The following DOCK4 variants were observed in gnomAD, a reference collection of about 807,000 sequenced individuals.
DOCK4 encodes the protein dedicator of cytokinesis protein 4.
Under a neutral mutation model 268.1 loss-of-function variants are expected in DOCK4, and 97 were observed. The observed-to-expected ratio is 0.36, with a 90% CI of 0.31 to 0.43. The LOEUF is 0.43. Ranked by LOEUF, DOCK4 falls within the 20% of genes least tolerant of loss-of-function variation. The pLI is 1.00. For synonymous variants in DOCK4, 954 were observed against 887.2 expected, an observed-to-expected ratio of 1.08 and a Z score of -1.34; for missense variants, 2,145 against 2,455.7, an observed-to-expected ratio of 0.87 and a Z score of 2.67.
In DOCK4 at chr7:111,788,919, CTAGA is replaced by C. The variant is rs1799350848; in HGVS notation, c.3316-176_3316-173del. On this transcript the variant is annotated intron_variant, in intron 31 of 52. Transcript: ENST00000428084. ...CCCTTTGGAATTCTAAGGGACTAAT[CTAGA>C]TAGAGTTACATGACTTCACACTCCT... is the stretch of plus-strand genomic sequence containing the variant. 13 of 647,148 alleles carry C rather than the reference CTAGA, an allele frequency of 2.0e-5. No individual in the cohort carries two copies. The Admixed American group carries it at 2.9e-4, about 15-fold the overall frequency. The allele number at this position is 647,148 out of a possible 1,614,324, so 40.1% of individuals were successfully genotyped here.
chr7:111,954,508 G>A (rs1216001233), intron 8 of DOCK4, among the ~76,000 whole-genome samples: 1 of 152,160 alleles, frequency 6.6e-6, no homozygotes, highest in Non-Finnish European at 1.5e-5. Flanking sequence ...CCCAGGGCCT[G>A]AAAGCTTAAG....
rs548521959 is a variant in DOCK4, at chr7:111,810,098, A to G, written c.3007-697T>C. On this transcript the variant is annotated intron_variant, in intron 28 of 52. Coordinates refer to ENST00000428084, the MANE Select transcript of DOCK4 (RefSeq NM_001363540.2). ...ATGACACAGAATCAGTATCTGTTAT[A>G]CGTAAATAGCTCTTACAAATAAAAA... Among the ~76,000 whole-genome samples the G allele has an allele frequency of 4.6e-5, 7 of 152,356 alleles. No homozygotes were observed. In the East Asian group the frequency reaches 1.4e-3, roughly 29 times the overall value.
intron 7 of DOCK4, among the ~76,000 whole-genome samples, chr7:111,983,858 G>A (rs147137642): frequency 0.21 from 19,253 of 89,818 alleles, 2,176 homozygotes; most frequent in East Asian, 0.42. Flanking sequence ...GCGCGCGCGC[G>A]CGCGCACACA....
intron 1 of DOCK4, among the ~76,000 whole-genome samples, chr7:112,128,401 C>T (rs1254611045): frequency 6.6e-6 from 1 of 152,162 alleles, no homozygotes; most frequent in Non-Finnish European, 1.5e-5. Context: ...CAGGCCACCA[C>T]CCCGTCTGGG....
At chr7:111,820,898 T>G (rs1179954255) in intron 27 of DOCK4, 1 of 152,168 alleles carries the variant, frequency 6.6e-6, no homozygotes, top group Non-Finnish European at 1.5e-5. Flanking sequence ...GTTTGCTCTT[T>G]GGTTATAAGG....
At position 112,117,787 on chromosome 7, in the gene DOCK4, G is replaced by A. The variant is rs146636768; in HGVS notation, c.37+88315C>T. 4.5e-3 allele frequency among the ~76,000 whole-genome samples: 678 copies of A among 152,310 alleles called. 7 individuals carry two copies. Among genetic ancestry groups the A allele is most frequent in the African/African-American group, 0.015 (642 of 41,562 alleles). ...TATGGCATGGTGATTTTTTAGGAGAGCAGCATTCGTGTTATGGCAGAACTG... is the reference window on the plus strand; with the variant it reads ...TATGGCATGGTGATTTTTTAGGAGAACAGCATTCGTGTTATGGCAGAACTG... On this transcript the variant is annotated intron_variant, in intron 1 of 52. Transcript: ENST00000428084.
rs1794836796 is a variant in DOCK4, at chr7:111,728,614, A to G, written c.5588T>C (p.Leu1863Pro). 3 of 1,613,998 alleles carry G rather than the reference A, an allele frequency of 1.9e-6. No individual in the cohort carries two copies. The highest frequency in any genetic ancestry group is 2.5e-6 in the Non-Finnish European group (3 of 1,179,888). Reference protein sequence around the residue: ...SGSYSSGISSLSRCSTSETSG... With the variant: ...SGSYSSGISSPSRCSTSETSG... ...GGTTTCCGACGTGCTGCACCGGCTG[A>G]GAGAAGAAATCCCACTGCTGTAGCT... Residue 1863 changes from leucine to proline, a missense_variant, in exon 53 of 53, where the codon CTC (leucine) becomes CCC (proline). Physicochemically the swap from Leu to Pro is moderately conservative, Grantham distance 98 (BLOSUM62 -3). Around this residue, in one of 2 missense-constraint regions of DOCK4, gnomAD observed 547 missense variants for 469.0 expected, o/e 1.17. Transcript: ENST00000428084.
chr7:111,813,444 A>G (rs933927105), intron 27 of DOCK4, among the ~76,000 whole-genome samples: 2 of 152,164 alleles, frequency 1.3e-5, no homozygotes, highest in African/African-American at 4.8e-5. Flanking sequence ...AATATTAACA[A>G]GGGTAATTAA....
rs754843006 is a variant in DOCK4 at position 111,935,483 on chromosome 7, A to G, written c.1066+57T>C. The G allele has an allele frequency of 4.2e-6, 6 of 1,432,414 alleles. No homozygotes were observed. In the African/African-American group the frequency reaches 7.0e-5, roughly 17 times the overall value. 88.7% of individuals were successfully genotyped at this position (1,432,414 alleles called of 1,614,324 possible). On this transcript the variant is annotated intron_variant, in intron 12 of 52. Transcript: ENST00000428084. ...TAATTTCCTTCCCAAACAGACAAAC[A>G]AAAAAAAGGGCTTGGAACGAAAAGT...
At chr7:111,931,206 T>C (rs929611328) in intron 12 of DOCK4, among the ~76,000 whole-genome samples, 1 of 152,142 alleles carries the variant, frequency 6.6e-6, no homozygotes, top group African/African-American at 2.4e-5. Context: ...AATCTGAGCA[T>C]CACAGCAGGC....
At position 111,727,211 on chromosome 7, in the gene DOCK4, G is replaced by A. The variant is rs1196038871; in HGVS notation, c.*1063C>T. 1 of 152,644 alleles carries A rather than the reference G, an allele frequency of 6.6e-6. No homozygotes were observed. Among genetic ancestry groups the A allele is most frequent in the Non-Finnish European group, 1.5e-5 (1 of 68,036 alleles). The allele number at this position is 152,644 out of a possible 1,614,324, so 9.5% of individuals were successfully genotyped here. A position where few individuals can be genotyped will look rare whatever the true frequency, so the allele number is the denominator to read the frequency against. ...AGTCTACAGCAATCCTCCTTCAAGAGAAAGACGACAGGTCAGCTAAGACAA... is the reference window on the plus strand; with the variant it reads ...AGTCTACAGCAATCCTCCTTCAAGAAAAAGACGACAGGTCAGCTAAGACAA... On this transcript the variant is annotated 3_prime_UTR_variant, in exon 53 of 53. Coordinates refer to ENST00000428084, the MANE Select transcript of DOCK4 (RefSeq NM_001363540.2).
At chr7:112,180,470 G>A (rs1818925808) in intron 1 of DOCK4, among the ~76,000 whole-genome samples, 1 of 152,208 alleles carries the variant, frequency 6.6e-6, no homozygotes, top group African/African-American at 2.4e-5. Context: ...TTGGAAGTAA[G>A]TGTGAGTTGG....
intron 1 of DOCK4, among the ~76,000 whole-genome samples, chr7:112,095,804 A>G (rs259297): frequency 0.39 from 58,843 of 151,668 alleles, 11,562 homozygotes; most frequent in Non-Finnish European, 0.43. Flanking sequence ...CTTTTAGGCC[A>G]GGTGTGGTGG....
intron 1 of DOCK4, among the ~76,000 whole-genome samples, chr7:112,044,650 C>A (rs912076244): frequency 2.6e-5 from 4 of 152,146 alleles, no homozygotes; most frequent in African/African-American, 9.7e-5. Flanking sequence ...TGGGTATTAA[C>A]CTACCCAAAT....
Position 112,014,683 on chromosome 7 carries a change from A to G in DOCK4, c.38-10552T>C, listed in dbSNP as rs1801657210. ...TAGTTCTATTATTCTTATGTGGAAA[A>G]AAATTAAGCCCACTGCCTTTTTTTA... On this transcript the variant is annotated intron_variant, in intron 1 of 52. Coordinates refer to ENST00000428084, the MANE Select transcript of DOCK4 (RefSeq NM_001363540.2). 2.0e-5 allele frequency among the ~76,000 whole-genome samples: 3 copies of G among 152,338 alleles called. No homozygotes were observed. In the South Asian group the frequency reaches 6.2e-4, roughly 32 times the overall value.
At chr7:112,158,595 T>G (rs1451421392) in intron 1 of DOCK4, among the ~76,000 whole-genome samples, 4 of 152,208 alleles carry the variant, frequency 2.6e-5, no homozygotes, top group Non-Finnish European at 5.9e-5. Flanking sequence ...CAATCAATGC[T>G]GTTAAAATGC....
At chr7:111,790,655 T>C in intron 30 of DOCK4, 50 bp from the exon 31 acceptor site, 1 of 1,482,774 alleles carries the variant, frequency 6.7e-7, no homozygotes, top group Non-Finnish European at 9.0e-7. Context: ...CTTAATATGA[T>C]TTCAGAAATT....
At chr7:111,739,665 G>A (rs1795762472) in intron 47 of DOCK4, 188 bp from the exon 48 acceptor site, 1 of 594,388 alleles carries the variant, frequency 1.7e-6, no homozygotes, top group Admixed American at 2.9e-5. Flanking sequence ...CTGAGATTTT[G>A]ACTCCTGCCA....
At chr7:111,831,752 G>T (rs1345935519) in intron 26 of DOCK4, among the ~76,000 whole-genome samples, 1 of 152,100 alleles carries the variant, frequency 6.6e-6, no homozygotes, top group Non-Finnish European at 1.5e-5. Flanking sequence ...CTCCCAAAGT[G>T]CTCCCAAATT....
Sources: allele counts gnomAD v4.1 joint callset (sites outside exome capture counted in the v4.1 genomes callset), GRCh38; gene constraint gnomAD v4.1.1; regional missense constraint gnomAD v4.1.1; transcripts MANE v1.5; gene names NCBI Gene and HGNC (gene_info 2026-07-23, HGNC 2026-07-21).